DTNA: variants seen among roughly 807,000 people sequenced by gnomAD.
DTNA encodes the protein dystrobrevin alpha.
In DTNA, 43 loss-of-function variants were observed where a neutral mutation model predicts 100.7. The observed-to-expected ratio is 0.43, with a 90% CI of 0.33 to 0.55. The LOEUF is 0.55. Among genes scored for constraint, DTNA ranks in the 20% least tolerant of loss-of-function variants. DTNA has a pLI of 0.04. For synonymous variants in DTNA, 349 were observed against 347.9 expected, an observed-to-expected ratio of 1.00 and a Z score of -0.04; for missense variants, 798 against 953.9, an observed-to-expected ratio of 0.84 and a Z score of 2.15.
chr18:34,494,984 T>G (rs1359230912), intron 1 of DTNA, among the ~76,000 whole-genome samples: 1 of 152,198 alleles, frequency 6.6e-6, no homozygotes, highest in Non-Finnish European at 1.5e-5. Flanking sequence ...ATTTATTCAC[T>G]GTCTTAATTC....
intron 1 of DTNA, among the ~76,000 whole-genome samples, chr18:34,662,119 T>C (rs1342701150): frequency 2.0e-5 from 3 of 151,338 alleles, no homozygotes; most frequent in Non-Finnish European, 4.4e-5. Context: ...CATTTTGTTG[T>C]TAAGAACCGG....
At chr18:34,876,180 C>CT (rs148732683) in intron 18 of DTNA, among the ~76,000 whole-genome samples, 7 of 152,102 alleles carry the variant, frequency 4.6e-5, no homozygotes, top group Non-Finnish European at 7.3e-5. Context: ...GACACATACT[C>CT]TTTTTTTCAC....
At chr18:34,796,497 C>T (rs2094975425) in intron 4 of DTNA, among the ~76,000 whole-genome samples, 1 of 152,166 alleles carries the variant, frequency 6.6e-6, no homozygotes, top group Non-Finnish European at 1.5e-5. Context: ...TTTTGGCAGA[C>T]ATGAATGATC....
At chr18:34,637,494 G>A (rs2058787677) in intron 1 of DTNA, among the ~76,000 whole-genome samples, 2 of 152,168 alleles carry the variant, frequency 1.3e-5, no homozygotes, top group Non-Finnish European at 2.9e-5. Context: ...TGTAAATATG[G>A]CAAGTTAGTT....
chr18:34,611,798 C>T, intron 1 of DTNA, among the ~76,000 whole-genome samples: 1 of 152,186 alleles, frequency 6.6e-6, no homozygotes, highest in East Asian at 1.9e-4. Flanking sequence ...GCAGATATAG[C>T]AGGTGTGGAG....
At chr18:34,639,700 C>T (rs1461806753) in intron 1 of DTNA, among the ~76,000 whole-genome samples, 2 of 152,216 alleles carry the variant, frequency 1.3e-5, no homozygotes, top group South Asian at 2.1e-4. Flanking sequence ...TCCTGACCTA[C>T]TCCAGGACTC....
chr18:34,508,975 C>T (rs1205004376), intron 1 of DTNA, among the ~76,000 whole-genome samples: 3 of 152,050 alleles, frequency 2.0e-5, no homozygotes, highest in Admixed American at 6.6e-5. Context: ...ACTTTCTATC[C>T]TTTCACTGTT....
chr18:34,859,072 A>G (rs1261502216), intron 16 of DTNA, among the ~76,000 whole-genome samples: 2 of 152,214 alleles, frequency 1.3e-5, no homozygotes, highest in Non-Finnish European at 2.9e-5. Flanking sequence ...CTTGGTCTCT[A>G]ATATCTTTCT....
rs553404054 is a variant in DTNA at position 34,646,229 on chromosome 18, T to G, written c.-1-109747T>G. ...AAATCACAGTGAAAAACTGGACACA[T>G]TACTTAAATTCCTGTCTTTTGTTTA... is the stretch of plus-strand genomic sequence containing the variant. On this transcript the variant is annotated intron_variant, in intron 1 of 19. Coordinates refer to the DTNA transcript ENST00000283365. Among the ~76,000 whole-genome samples the G allele has an allele frequency of 3.3e-5, 5 of 152,314 alleles. No homozygotes were observed. The South Asian group carries it at 1.0e-3, about 32-fold the overall frequency.
At chr18:34,672,949 G>A (rs1211726773) in intron 1 of DTNA, among the ~76,000 whole-genome samples, 1 of 150,636 alleles carries the variant, frequency 6.6e-6, no homozygotes, top group Non-Finnish European at 1.5e-5. Context: ...TTCCTAAAAG[G>A]AGAGTTACTT....
intron 2 of DTNA, among the ~76,000 whole-genome samples, chr18:34,762,693 T>C (rs1387813094): frequency 3.9e-5 from 6 of 152,212 alleles, no homozygotes; most frequent in African/African-American, 1.4e-4. Context: ...AACACATACA[T>C]TGATTGTGCA....
At chr18:34,520,242 G>A (rs991141419) in intron 1 of DTNA, among the ~76,000 whole-genome samples, 4 of 152,190 alleles carry the variant, frequency 2.6e-5, no homozygotes, top group African/African-American at 9.6e-5. Flanking sequence ...GTGTCCTTGG[G>A]TGTTGGTTTC....
chr18:34,619,842 A>ATACCCATCCTTC (rs1273448066), intron 1 of DTNA, among the ~76,000 whole-genome samples: 23 of 152,338 alleles, frequency 1.5e-4, no homozygotes, highest in South Asian at 8.3e-4. Context: ...TATGAGCAGT[A>ATACCCATCCTTC]TGAGTTATCC....
At chr18:34,681,748 C>T (rs947659255) in intron 1 of DTNA, among the ~76,000 whole-genome samples, 17 of 151,104 alleles carry the variant, frequency 1.1e-4, no homozygotes, top group Admixed American at 1.1e-3. Flanking sequence ...CACACACACC[C>T]TATGGACATC....
intron 1 of DTNA, among the ~76,000 whole-genome samples, chr18:34,715,475 AT>A (rs1568298559): frequency 6.6e-6 from 1 of 150,836 alleles, no homozygotes; most frequent in African/African-American, 2.5e-5. Context: ...ATTGTTTTTA[AT>A]TTTTTAATTA....
chr18:34,719,987 G>T (rs1440684622), intron 1 of DTNA, among the ~76,000 whole-genome samples: 1 of 152,080 alleles, frequency 6.6e-6, no homozygotes, highest in Admixed American at 6.6e-5. Context: ...TTCCAAGCTT[G>T]GTATTTGAAT....
chr18:34,689,622 T>C (rs1299464116), intron 1 of DTNA, among the ~76,000 whole-genome samples: 2 of 152,178 alleles, frequency 1.3e-5, no homozygotes, highest in African/African-American at 4.8e-5. Context: ...GGCATGGGTG[T>C]CAGGGACCCA....
At chr18:34,816,680 T>C (rs547461555) in intron 7 of DTNA, among the ~76,000 whole-genome samples, 97 of 152,336 alleles carry the variant, frequency 6.4e-4, no homozygotes, top group African/African-American at 2.3e-3. Context: ...TATTGTTCAA[T>C]GTAACTCTGA....
At chr18:34,768,328 GGAAAACAAA>G (rs1346341882) in intron 3 of DTNA, among the ~76,000 whole-genome samples, 1 of 151,800 alleles carries the variant, frequency 6.6e-6, no homozygotes, top group Non-Finnish European at 1.5e-5. Context: ...AGCAAAAAAA[GGAAAACAAA>G]GAAAAGAAAG....
Sources: gnomAD v4.1 joint callset for allele counts (sites outside exome capture counted in the v4.1 genomes callset) on GRCh38, gnomAD v4.1.1 for gene constraint, MANE v1.5 for transcripts, NCBI Gene and HGNC (gene_info 2026-07-23, HGNC 2026-07-21) for gene names.